Variants in MEAF6 observed in about 807,000 individuals in gnomAD.
The protein encoded by MEAF6 is chromatin modification-related protein MEAF6.
Under a neutral mutation model 28.9 loss-of-function variants are expected in MEAF6, and 15 were observed. That is an observed-to-expected ratio of 0.52 (90% CI 0.35 to 0.80). The LOEUF (loss-of-function observed/expected upper bound fraction) is 0.80, where lower values mean the gene tolerates loss of function less well. Among genes scored for constraint, MEAF6 ranks in the 30% least tolerant of loss-of-function variants. The pLI is 0.01. For synonymous variants in MEAF6, 97 were observed against 88.7 expected (o/e 1.09, Z -0.53); for missense variants, 178 against 237.5 (o/e 0.75, Z 1.65).
chr1:37,509,445 C>G lies in MEAF6; in HGVS notation c.294+10G>C, dbSNP rs369810238. 9.5e-5 allele frequency: 154 copies of G among 1,613,208 alleles called. No homozygotes were observed. Among genetic ancestry groups the G allele is most frequent in the Non-Finnish European group, 1.3e-4 (151 of 1,179,584 alleles). ...GGCCAAAGAAAGATTCCCCCACCACCACTACTTACAGCTGCTGAGGTAACC... is the reference window on the plus strand; with the variant it reads ...GGCCAAAGAAAGATTCCCCCACCACGACTACTTACAGCTGCTGAGGTAACC... On this transcript the variant is annotated intron_variant, in intron 3 of 6. Transcript: ENST00000296214.
intron 5 of MEAF6, among the ~76,000 whole-genome samples, chr1:37,499,251 G>T (rs185248914): frequency 1.5e-4 from 23 of 152,216 alleles, no homozygotes; most frequent in Admixed American, 5.2e-4. Flanking sequence ...CCACTAAACA[G>T]TGTCTGGCAC....
At chr1:37,495,970 T>C in intron 5 of MEAF6, 52 bp from the exon 6 acceptor site, 1 of 1,502,468 alleles carries the variant, frequency 6.7e-7, no homozygotes, top group Non-Finnish European at 9.3e-7. Flanking sequence ...AGAAAATGGG[T>C]CCCACAATCA....
chr1:37,495,383 A>G (rs1028601934), intron 6 of MEAF6, among the ~76,000 whole-genome samples: 2 of 150,564 alleles, frequency 1.3e-5, no homozygotes, highest in Non-Finnish European at 3.0e-5. Flanking sequence ...TAAATAAAGT[A>G]TGTGACCTCT....
intron 4 of MEAF6, among the ~76,000 whole-genome samples, chr1:37,502,512 C>A (rs1221431302): frequency 6.6e-6 from 1 of 151,234 alleles, no homozygotes; most frequent in Non-Finnish European, 1.5e-5. Flanking sequence ...GAGAAGACAG[C>A]CCATTCCTGA....
intron 4 of MEAF6, among the ~76,000 whole-genome samples, chr1:37,502,521 G>T (rs1303468794): frequency 6.7e-6 from 1 of 150,002 alleles, no homozygotes. Context: ...GCCCATTCCT[G>T]AATTACTCTG....
chr1:37,501,218 C>T (rs781392822), intron 5 of MEAF6, among the ~76,000 whole-genome samples: 3 of 152,164 alleles, frequency 2.0e-5, no homozygotes, highest in Admixed American at 6.5e-5. Flanking sequence ...CAATGTTACA[C>T]GTTACCTATG....
Position 37,514,749 on chromosome 1 carries a change from T to C in MEAF6, c.-3A>G, listed in dbSNP as rs1642787047. On this transcript the variant is annotated 5_prime_UTR_variant, in exon 1 of 7. Transcript: ENST00000296214. ...GCCGCCTTGTTGTGCATCGCCATGT[T>C]GGGCTGAGGCGGGCGGCGGCGGCGC... The C allele has an allele frequency of 2.1e-6, 3 of 1,407,232 alleles. No individual in the cohort carries two copies. The highest frequency in any genetic ancestry group is 2.8e-6 in the Non-Finnish European group (3 of 1,073,444). The allele number at this position is 1,407,232 out of a possible 1,614,324, so 87.2% of individuals were successfully genotyped here.
chr1:37,513,404 A>G lies in MEAF6; in HGVS notation c.206+19T>C. On this transcript the variant is annotated intron_variant, in intron 2 of 6. Transcript: ENST00000296214. ...GTTACTAGGGCACAATAGGAACACT[A>G]CAGGCTTTCGACACTCACTTTTGGT... 1 of 1,594,758 alleles carries G rather than the reference A, an allele frequency of 6.3e-7. No homozygotes were observed. Among genetic ancestry groups the G allele is most frequent in the Non-Finnish European group, 8.6e-7 (1 of 1,162,462 alleles).
At position 37,492,268 on chromosome 1, in the gene MEAF6, T is replaced by C. The variant is rs1317029647; in HGVS notation, c.*1831A>G. 1.3e-5 allele frequency among the ~76,000 whole-genome samples: 2 copies of C among 152,016 alleles called. No homozygotes were observed. The highest frequency in any genetic ancestry group is 6.6e-5 in the Admixed American group (1 of 15,258). Reference sequence around the variant, plus strand: ...TGGTCTCGATCTCCTGACCTCGTGATCCGCCCGCTTCGGCCTCCCAAAGTG... The same window carrying C: ...TGGTCTCGATCTCCTGACCTCGTGACCCGCCCGCTTCGGCCTCCCAAAGTG... On this transcript the variant is annotated 3_prime_UTR_variant, in exon 7 of 7. Transcript: ENST00000296214.
chr1:37,496,803 A>C, intron 5 of MEAF6: 1 of 1,516,884 alleles, frequency 6.6e-7, no homozygotes, highest in Non-Finnish European at 8.9e-7. Context: ...AAATTAGTCG[A>C]TTAGCCACCC....
intron 4 of MEAF6, among the ~76,000 whole-genome samples, chr1:37,503,474 G>C (rs1404134819): frequency 2.6e-5 from 4 of 151,882 alleles, no homozygotes; most frequent in Admixed American, 1.3e-4. Flanking sequence ...AACACAGCCA[G>C]ACCCTCATCT....
chr1:37,494,181 T>C, intron 6 of MEAF6, 74 bp from the exon 7 acceptor site: 1 of 1,284,314 alleles, frequency 7.8e-7, no homozygotes, highest in Non-Finnish European at 1.1e-6. Context: ...AAAAAAAAAA[T>C]CTCATAAACA....
At chr1:37,499,327 G>C (rs1642221522) in intron 5 of MEAF6, among the ~76,000 whole-genome samples, 1 of 152,066 alleles carries the variant, frequency 6.6e-6, no homozygotes. Context: ...ATGGGGTATG[G>C]CACACTGGAG....
chr1:37,495,513 C>T (rs1237206163), intron 6 of MEAF6, among the ~76,000 whole-genome samples: 1 of 150,978 alleles, frequency 6.6e-6, no homozygotes, highest in South Asian at 2.1e-4. Context: ...GACTGGACAT[C>T]ATGGTGAAAC....
intron 5 of MEAF6, chr1:37,500,884 G>A (rs538699186): frequency 1.1e-4 from 17 of 154,188 alleles, no homozygotes; most frequent in Middle Eastern, 5.3e-4. Context: ...TCTTCCAGGA[G>A]GAGTAGAACG....
intron 2 of MEAF6, among the ~76,000 whole-genome samples, chr1:37,511,780 TACC>T (rs1265616654): frequency 6.6e-6 from 1 of 152,200 alleles, no homozygotes; most frequent in Non-Finnish European, 1.5e-5. Flanking sequence ...ATGTCATGAA[TACC>T]ACCACAACCA....
chr1:37,497,214 C>G (rs368428460), intron 5 of MEAF6, among the ~76,000 whole-genome samples: 13 of 151,020 alleles, frequency 8.6e-5, no homozygotes, highest in East Asian at 5.9e-4. Flanking sequence ...CAAATTTTTA[C>G]TCAAGTTATA....
rs1310922250 is a variant in MEAF6 at position 37,493,944 on chromosome 1, C to T, written c.*155G>A. On this transcript the variant is annotated 3_prime_UTR_variant, in exon 7 of 7. Coordinates refer to ENST00000296214, the MANE Select transcript of MEAF6 (RefSeq NM_001270875.3). ...TCTTACAGAAATGACTTGTTTGTCA[C>T]CACATTTAGAACAAACTACTCAAAG... 7 of 1,575,382 alleles carry T rather than the reference C, an allele frequency of 4.4e-6. No individual in the cohort carries two copies. The highest frequency in any genetic ancestry group is 6.0e-6 in the Non-Finnish European group (7 of 1,163,688).
rs773350777 is a variant in MEAF6 at position 37,513,473 on chromosome 1, C to T, written c.156G>A (p.Gln52=). 43 of 1,614,102 alleles carry T rather than the reference C, an allele frequency of 2.7e-5. No homozygotes were observed. The Admixed American group carries it at 3.3e-4, about 13-fold the overall frequency. Residue 52 remains glutamine (Q), a synonymous_variant, in exon 2 of 7, where the codon CAG becomes CAA. Transcript: ENST00000296214. ...AFEGSYLEDT[Q]MYGNIIRGWD... Reference sequence around the variant, plus strand: ...AGCCACGAATAATATTGCCATACATCTGAGTGTCTTCCAGGTAGCTTCCCT... The same window carrying T: ...AGCCACGAATAATATTGCCATACATTTGAGTGTCTTCCAGGTAGCTTCCCT...
Sources: allele counts gnomAD v4.1 joint callset (sites outside exome capture counted in the v4.1 genomes callset), GRCh38; gene constraint gnomAD v4.1.1; transcripts MANE v1.5; gene names NCBI Gene and HGNC (gene_info 2026-07-23, HGNC 2026-07-21).